The following TPPP variants were observed in gnomAD, a reference collection of about 807,000 sequenced individuals.
TPPP encodes tubulin polymerization-promoting protein.
Under a neutral mutation model 15.5 loss-of-function variants are expected in TPPP, and 6 were observed. The observed-to-expected ratio is 0.39, with a 90% confidence interval of 0.21 to 0.77. The LOEUF is 0.77. TPPP is among the 30% of genes least tolerant of loss of function. The pLI, the probability that TPPP is intolerant of heterozygous loss-of-function variation, is 0.42. For missense variants in TPPP, 269 were observed against 307.2 expected, an observed-to-expected ratio of 0.88 and a Z score of 0.93; for synonymous variants, 146 against 133.9, an observed-to-expected ratio of 1.09 and a Z score of -0.63.
chr5:672,418 A>G (rs1036449961), intron 2 of TPPP, among the ~76,000 whole-genome samples: 1 of 152,212 alleles, frequency 6.6e-6, no homozygotes, highest in Non-Finnish European at 1.5e-5. Context: ...GGGAAAATAC[A>G]CCACACCCAG....
chr5:668,878 G>T (rs574534686), intron 2 of TPPP, among the ~76,000 whole-genome samples: 1 of 152,200 alleles, frequency 6.6e-6, no homozygotes, highest in African/African-American at 2.4e-5. Flanking sequence ...CACCCAACGC[G>T]GTGGGTGCCA....
chr5:691,421 C>T (rs1306469557), intron 1 of TPPP, among the ~76,000 whole-genome samples: 2 of 59,506 alleles, frequency 3.4e-5, no homozygotes, highest in Admixed American at 1.4e-4. Flanking sequence ...AGAAGTCAGG[C>T]GGGGAGGGGT....
intron 1 of TPPP, among the ~76,000 whole-genome samples, chr5:691,980 C>T (rs1740887943): frequency 3.3e-5 from 4 of 123,070 alleles, no homozygotes; most frequent in Non-Finnish European, 6.8e-5. Context: ...AGCCCCCAGA[C>T]CCCATCAAAA....
In TPPP at chr5:660,223, AT is replaced by A. The variant is rs1485132413; in HGVS notation, c.*4878del. ...ATTGCACATATATATATATATATATATATATAAATTTGTTTCCCTTTCTTGA... is the reference window on the plus strand; with the variant it reads ...ATTGCACATATATATATATATATATAATATAAATTTGTTTCCCTTTCTTGA... On this transcript the variant is annotated 3_prime_UTR_variant, in exon 4 of 4. Transcript: ENST00000360578. The A allele has an allele frequency of 3.3e-5, 5 of 151,326 alleles. No homozygotes were observed. The highest frequency in any genetic ancestry group is 1.2e-4 in the African/African-American group (5 of 41,274). The allele number at this position is 151,326 out of a possible 1,614,324, so 9.4% of individuals were successfully genotyped here.
At chr5:681,388 A>G (rs1171995444) in intron 1 of TPPP, among the ~76,000 whole-genome samples, 3 of 152,018 alleles carry the variant, frequency 2.0e-5, no homozygotes, top group Non-Finnish European at 4.4e-5. Flanking sequence ...CCAGGGGGTC[A>G]CCCTGCACTC....
chr5:674,228 C>A (rs1198449931), intron 2 of TPPP, among the ~76,000 whole-genome samples: 1 of 152,230 alleles, frequency 6.6e-6, no homozygotes. Context: ...CAGAGGGCAC[C>A]CAGGGACTCG....
rs915876691 is a variant in TPPP at position 662,547 on chromosome 5, C to T, written c.*2555G>A. 6 of 152,432 alleles carry T rather than the reference C, an allele frequency of 3.9e-5. No homozygotes were observed. The highest frequency in any genetic ancestry group is 9.6e-5 in the African/African-American group (4 of 41,454). The allele number at this position is 152,432 out of a possible 1,614,324, so 9.4% of individuals were successfully genotyped here. A position where few individuals can be genotyped will look rare whatever the true frequency, so the allele number is the denominator to read the frequency against. Reference sequence around the variant, plus strand: ...CTCCGTCCTGACCCGGCGCCAGGCTCAGCTCCAGGGCGAGGTCCTCTGGAG... The same window carrying T: ...CTCCGTCCTGACCCGGCGCCAGGCTTAGCTCCAGGGCGAGGTCCTCTGGAG... On this transcript the variant is annotated 3_prime_UTR_variant, in exon 4 of 4. Coordinates refer to ENST00000360578, the MANE Select transcript of TPPP (RefSeq NM_007030.3).
chr5:679,457 C>CCGTCTGGGGG (rs1449406599), intron 1 of TPPP, among the ~76,000 whole-genome samples: 1 of 146,756 alleles, frequency 6.8e-6, no homozygotes, highest in Non-Finnish European at 1.5e-5. Context: ...GGTGGAAGGG[C>CCGTCTGGGGG]CAGGTCAGGT....
rs746948446 is a variant in TPPP, at chr5:677,992, C to T, written c.69G>A (p.Ser23=). 1.2e-5 allele frequency: 20 copies of T among 1,607,752 alleles called. No individual in the cohort carries two copies. Among genetic ancestry groups the T allele is most frequent in the Admixed American group, 1.7e-5 (1 of 59,288 alleles). The change falls in exon 2 of 4, where the codon TCG becomes TCA. Residue 23 remains serine, a synonymous_variant. Transcript: ENST00000360578. ...ACAGCCTCTTGGCTGCCCGGTCCTT[C>T]GAGGGGTCCCCCGGGGACTTGGGGG... ...RTPPKSPGDP[S]KDRAAKRLSL...
At chr5:696,321 C>T (rs466059), upstream of TPPP, among the ~76,000 whole-genome samples, 10 of 106,934 alleles carry the variant, frequency 9.4e-5, no homozygotes, top group Admixed American at 1.9e-4. Context: ...TGGACTCACG[C>T]GGACAGCAGC....
intron 2 of TPPP, among the ~76,000 whole-genome samples, chr5:668,861 G>C (rs1442700239): frequency 2.0e-5 from 3 of 152,238 alleles, no homozygotes; most frequent in Admixed American, 1.3e-4. Flanking sequence ...AACAAGCCCA[G>C]GATACGCACC....
chr5:677,257 C>G (rs929624170), intron 2 of TPPP, among the ~76,000 whole-genome samples: 3 of 152,208 alleles, frequency 2.0e-5, no homozygotes, highest in African/African-American at 7.2e-5. Flanking sequence ...CATGGGGACA[C>G]AAGCATCCAA....
upstream of TPPP, among the ~76,000 whole-genome samples, chr5:694,057 C>CAGA (rs1177472022): frequency 9.5e-6 from 1 of 104,878 alleles, no homozygotes; most frequent in East Asian, 2.5e-4. Flanking sequence ...CTGACCCCGG[C>CAGA]CTCAGCTTCC....
At chr5:676,816 A>T (rs74806834) in intron 2 of TPPP, among the ~76,000 whole-genome samples, 1 of 100,876 alleles carries the variant, frequency 9.9e-6, no homozygotes, top group Non-Finnish European at 1.7e-5. Flanking sequence ...GCAGAAACAC[A>T]TGCACACATG....
intron 1 of TPPP, among the ~76,000 whole-genome samples, chr5:683,981 T>G (rs1740698316): frequency 6.6e-6 from 1 of 152,164 alleles, no homozygotes; most frequent in African/African-American, 2.4e-5. Flanking sequence ...CCGGCTGCCA[T>G]CACAGCCTTC....
At chr5:672,004 C>T (rs1740240060) in intron 2 of TPPP, among the ~76,000 whole-genome samples, 1 of 152,196 alleles carries the variant, frequency 6.6e-6, no homozygotes, top group Non-Finnish European at 1.5e-5. Context: ...AGGAGGACGT[C>T]ACACACAGTG....
intron 1 of TPPP, among the ~76,000 whole-genome samples, chr5:680,900 G>T (rs1263993903): frequency 1.3e-5 from 2 of 152,258 alleles, no homozygotes; most frequent in Non-Finnish European, 2.9e-5. Flanking sequence ...AAGTCAGCCA[G>T]GCTGCTGCTG....
At position 662,817 on chromosome 5, in the gene TPPP, G is replaced by A. The variant is rs1580065833; in HGVS notation, c.*2285C>T. ...CGTCCTCGGCCTTTTCAACACAAGG[G>A]CTTTGGAGTTGTGATGGGCTGTTAT... On this transcript the variant is annotated 3_prime_UTR_variant, in exon 4 of 4. Coordinates refer to ENST00000360578, the MANE Select transcript of TPPP (RefSeq NM_007030.3). The A allele has an allele frequency of 6.6e-6, 1 of 152,616 alleles. No individual in the cohort carries two copies. The highest frequency in any genetic ancestry group is 1.5e-5 in the Non-Finnish European group (1 of 68,118). 9.5% of individuals were successfully genotyped at this position (152,616 alleles called of 1,614,324 possible). A position where few individuals can be genotyped will look rare whatever the true frequency, so the allele number is the denominator to read the frequency against.
intron 2 of TPPP, among the ~76,000 whole-genome samples, chr5:673,045 A>G (rs1046154640): frequency 2.0e-5 from 3 of 152,188 alleles, no homozygotes; most frequent in Non-Finnish European, 4.4e-5. Flanking sequence ...TGTCAGAGTC[A>G]GCAGCTTTCT....
Sources: allele counts gnomAD v4.1 joint callset (sites outside exome capture counted in the v4.1 genomes callset), GRCh38; gene constraint gnomAD v4.1.1; transcripts MANE v1.5; gene names NCBI Gene and HGNC (gene_info 2026-07-23, HGNC 2026-07-21).